The following NFIB variants were observed in gnomAD, a reference collection of about 807,000 sequenced individuals.
The protein encoded by NFIB is nuclear factor I B.
A neutral mutation model predicts 61.5 loss-of-function variants in NFIB; 11 were observed. The observed-to-expected ratio is 0.18, with a 90% confidence interval of 0.11 to 0.30. The LOEUF is 0.30. Ranked by LOEUF, NFIB falls within the 10% of genes least tolerant of loss-of-function variation. NFIB has a pLI of 1.00. For missense variants in NFIB, 471 were observed against 608.9 expected (o/e 0.77, Z 2.38); for synonymous variants, 260 against 216.5 (o/e 1.20, Z -1.76).
chr9:14,510,816 C>T, the NFIB span, among the ~76,000 whole-genome samples: 1 of 152,110 alleles, frequency 6.6e-6, no homozygotes, highest in African/African-American at 2.4e-5. Context: ...GCCTTCATTT[C>T]TATGTGTTTT....
At chr9:14,372,310 A>G (rs2061367428) in intron 1 of NFIB, among the ~76,000 whole-genome samples, 2 of 152,196 alleles carry the variant, frequency 1.3e-5, no homozygotes, top group South Asian at 4.1e-4. Context: ...TTCCAGCTTA[A>G]GCATAAGGAG....
At chr9:14,466,693 T>G in the NFIB span, among the ~76,000 whole-genome samples, 1 of 152,192 alleles carries the variant, frequency 6.6e-6, no homozygotes, top group Non-Finnish European at 1.5e-5. Context: ...CCCCAGGGTC[T>G]GCTTTGTGGT....
At chr9:14,445,057 A>T in the NFIB span, among the ~76,000 whole-genome samples, 1 of 152,082 alleles carries the variant, frequency 6.6e-6, no homozygotes, top group Non-Finnish European at 1.5e-5. Context: ...AGCTTCGTCC[A>T]TGTTGATGTG....
chr9:14,376,729 G>A (rs1588391898), intron 1 of NFIB, among the ~76,000 whole-genome samples: 1 of 151,978 alleles, frequency 6.6e-6, no homozygotes, highest in African/African-American at 2.4e-5. Context: ...TGTTGGCCAG[G>A]CTGATCTCAA....
At chr9:14,530,754 G>A in the NFIB span, among the ~76,000 whole-genome samples, 2 of 152,062 alleles carry the variant, frequency 1.3e-5, no homozygotes, top group African/African-American at 4.8e-5. Flanking sequence ...TGACCACCAG[G>A]GCTGGCCATA....
intron 3 of NFIB, among the ~76,000 whole-genome samples, chr9:14,157,386 TG>T (rs1184163202): frequency 6.6e-6 from 1 of 152,160 alleles, no homozygotes; most frequent in Non-Finnish European, 1.5e-5. Context: ...GAGGAGCCAC[TG>T]ATGTTTGACA....
intron 1 of NFIB, among the ~76,000 whole-genome samples, chr9:14,312,045 T>C (rs767744592): frequency 6.6e-6 from 1 of 152,240 alleles, no homozygotes; most frequent in African/African-American, 2.4e-5. Context: ...AACTCATTTT[T>C]CCAGTTTTGT....
chr9:14,392,460 G>C (rs187976098), intron 1 of NFIB, among the ~76,000 whole-genome samples: 47 of 152,280 alleles, frequency 3.1e-4, no homozygotes, highest in African/African-American at 1.1e-3. Context: ...GGGCACAGTG[G>C]CTCAGGCCTA....
the NFIB span, among the ~76,000 whole-genome samples, chr9:14,454,993 T>C: frequency 6.6e-6 from 1 of 152,210 alleles, no homozygotes; most frequent in Admixed American, 6.5e-5. Context: ...GGAATAGGTA[T>C]GTAATATGAG....
At chr9:14,530,773 C>T in the NFIB span, among the ~76,000 whole-genome samples, 1 of 152,218 alleles carries the variant, frequency 6.6e-6, no homozygotes, top group African/African-American at 2.4e-5. Context: ...TACCCCTCCC[C>T]ACCTAGAATA....
intron 2 of NFIB, among the ~76,000 whole-genome samples, chr9:14,249,039 T>G (rs1342684857): frequency 6.6e-6 from 1 of 152,192 alleles, no homozygotes; most frequent in East Asian, 1.9e-4. Flanking sequence ...CTGTATAACT[T>G]CAGTTTCTTA....
At chr9:14,098,040 T>C (rs890715113) in intron 10 of NFIB, among the ~76,000 whole-genome samples, 1 of 152,122 alleles carries the variant, frequency 6.6e-6, no homozygotes, top group African/African-American at 2.4e-5. Context: ...AATGAAGTAT[T>C]CAACCCACAG....
chr9:14,146,892 A>T (rs1471096581), intron 5 of NFIB, 85 bp from the exon 6 acceptor site: 8 of 1,545,790 alleles, frequency 5.2e-6, no homozygotes, highest in Non-Finnish European at 6.1e-6. Context: ...GAAGATCCTT[A>T]CTGTGAAAAT....
intron 6 of NFIB, among the ~76,000 whole-genome samples, chr9:14,139,410 A>T (rs2131028984): frequency 6.6e-6 from 1 of 152,356 alleles, no homozygotes; most frequent in East Asian, 1.9e-4. Flanking sequence ...ATGTAAAAAG[A>T]TTTGAAATAA....
chr9:14,444,932 T>C, the NFIB span, among the ~76,000 whole-genome samples: 1 of 152,196 alleles, frequency 6.6e-6, no homozygotes, highest in African/African-American at 2.4e-5. Flanking sequence ...CACCTATGTA[T>C]ACATTCCTCA....
chr9:14,197,899 A>C lies in NFIB; in HGVS notation c.563-18119T>G, dbSNP rs1307589599. On this transcript the variant is annotated intron_variant, in intron 2 of 10. Transcript: ENST00000380953. ...GACCATTCTCACCAAGAAAGACAGC[A>C]TATCTCGAGGTACAAAAGGCACAAA... 2.0e-5 allele frequency among the ~76,000 whole-genome samples: 3 copies of C among 152,364 alleles called. No individual in the cohort carries two copies. In the East Asian group the frequency reaches 5.8e-4, roughly 29 times the overall value.
chr9:14,444,212 G>C, the NFIB span, among the ~76,000 whole-genome samples: 1 of 152,198 alleles, frequency 6.6e-6, no homozygotes, highest in Non-Finnish European at 1.5e-5. Context: ...GAGAGGCTTA[G>C]GGTTAGAGTA....
the NFIB span, among the ~76,000 whole-genome samples, chr9:14,452,406 G>A: frequency 2.2e-5 from 1 of 44,684 alleles, no homozygotes; most frequent in South Asian, 1.6e-3. Flanking sequence ...AAGACAGAGG[G>A]AGATGGAAGG....
the NFIB span, among the ~76,000 whole-genome samples, chr9:14,416,796 A>G: frequency 6.6e-6 from 1 of 151,728 alleles, no homozygotes. Context: ...AGGCCTTCAC[A>G]TTCACTCACC....
Sources: allele counts gnomAD v4.1 joint callset (sites outside exome capture counted in the v4.1 genomes callset), GRCh38; gene constraint gnomAD v4.1.1; transcripts MANE v1.5; gene names NCBI Gene and HGNC (gene_info 2026-07-23, HGNC 2026-07-21).